The following LRP8 variants were observed in gnomAD, a reference collection of about 807,000 sequenced individuals.
LRP8 encodes low-density lipoprotein receptor-related protein 8.
Under a neutral mutation model 111.6 loss-of-function variants are expected in LRP8, and 46 were observed. That is an observed-to-expected ratio of 0.41 (90% confidence interval 0.33 to 0.53). The LOEUF is 0.53. Among genes scored for constraint, LRP8 ranks in the 20% least tolerant of loss-of-function variants. The pLI, the probability that LRP8 is intolerant of heterozygous loss-of-function variation, is 0.20. For missense variants in LRP8, 959 were observed against 1,297.4 expected (o/e 0.74, Z 4.01); for synonymous variants, 464 against 511.2 (o/e 0.91, Z 1.24).
rs116395170 is a variant in LRP8 at position 53,280,813 on chromosome 1, C to T, written c.368-98G>A. On this transcript the variant is annotated intron_variant, in intron 3 of 18. Transcript: ENST00000306052. Reference sequence around the variant, plus strand: ...CCTGTTCCAGCCATCTGGTCCAAGGCCCTAGGAGTCCATCAGGGCTCTTCT... The same window carrying T: ...CCTGTTCCAGCCATCTGGTCCAAGGTCCTAGGAGTCCATCAGGGCTCTTCT... 7.6e-4 allele frequency: 1,118 copies of T among 1,462,462 alleles called. 7 individuals are homozygous for T. In the African/African-American group the frequency reaches 0.014, roughly 19 times the overall value. 90.6% of individuals were successfully genotyped at this position (1,462,462 alleles called of 1,614,324 possible).
chr1:53,322,010 C>G (rs759831764), intron 2 of LRP8, among the ~76,000 whole-genome samples: 1 of 151,774 alleles, frequency 6.6e-6, no homozygotes, highest in South Asian at 2.1e-4. Context: ...GCAGGAACCT[C>G]GACATCTGGC....
chr1:53,251,479 T>C (rs1052652457), intron 16 of LRP8, among the ~76,000 whole-genome samples: 3 of 151,794 alleles, frequency 2.0e-5, no homozygotes, highest in Admixed American at 6.6e-5. Flanking sequence ...TAAATGACTA[T>C]GTTAATGATT....
Position 53,271,104 on chromosome 1 carries a change from A to G in LRP8, c.1176T>C (p.Asn392=), listed in dbSNP as rs1380260134. ...DPDACSQICV[N]YKGYFKCECY... Reference sequence around the variant, plus strand: ...ACTCACACTTAAAATAGCCCTTGTAATTGACACAGATCTGGCTGCAGGCAT... The same window carrying G: ...ACTCACACTTAAAATAGCCCTTGTAGTTGACACAGATCTGGCTGCAGGCAT... The change falls in exon 8 of 19, where the codon AAT becomes AAC. Residue 392 remains asparagine (N), a synonymous_variant. Transcript: ENST00000306052. 2 of 1,613,826 alleles carry G rather than the reference A, an allele frequency of 1.2e-6. No individual in the cohort carries two copies. Among genetic ancestry groups the G allele is most frequent in the South Asian group, 2.2e-5 (2 of 91,062 alleles).
intron 2 of LRP8, among the ~76,000 whole-genome samples, chr1:53,325,323 T>G (rs576207755): frequency 2.0e-5 from 3 of 152,346 alleles, no homozygotes; most frequent in East Asian, 1.9e-4. Context: ...TTTGTTGGTT[T>G]GTTTGTTTTG....
Position 53,271,218 on chromosome 1 carries a change from A to C in LRP8, c.1126+9T>G, listed in dbSNP as rs199573149. ...TGCTTCTGCTTGGGGGTGTGGGAGA[A>C]GGTCTCACCGCCACAGGTCTTCTGG... On this transcript the variant is annotated intron_variant, in intron 7 of 18. Transcript: ENST00000306052. The C allele has an allele frequency of 5.6e-6, 9 of 1,613,844 alleles. No homozygotes were observed. In the East Asian group the frequency reaches 1.6e-4, roughly 28 times the overall value.
At chr1:53,296,550 C>T (rs934855721) in intron 2 of LRP8, among the ~76,000 whole-genome samples, 6 of 152,238 alleles carry the variant, frequency 3.9e-5, no homozygotes, top group East Asian at 1.9e-4. Context: ...GTTGCCAAGA[C>T]GACCGCTTCC....
intron 18 of LRP8, among the ~76,000 whole-genome samples, chr1:53,248,110 A>T (rs1488571514): frequency 6.6e-6 from 1 of 152,220 alleles, no homozygotes; most frequent in Non-Finnish European, 1.5e-5. Flanking sequence ...TTAACATAGT[A>T]CCTAACAACA....
chr1:53,318,648 G>A (rs529651150), intron 2 of LRP8, among the ~76,000 whole-genome samples: 1 of 152,114 alleles, frequency 6.6e-6, no homozygotes, highest in African/African-American at 2.4e-5. Flanking sequence ...ATCTATCAAC[G>A]GGAGAAAATG....
rs1426771634 is a variant in LRP8 at position 53,293,315 on chromosome 1, AGTGGTGTTTTTGGCAACAGATTCG to A, written c.245-3650_245-3627del. 3.9e-5 allele frequency among the ~76,000 whole-genome samples: 6 copies of A among 152,076 alleles called. No individual in the cohort carries two copies. Among genetic ancestry groups the A allele is most frequent in the Admixed American group, 1.3e-4 (2 of 15,286 alleles). ...CCCAGGAAATGGCAGCTGCAGGGAG[AGTGGTGTTTTTGGCAACAGATTCG>A]GTGGTGTTTTTGGGAACAGATTTGT... On this transcript the variant is annotated intron_variant, in intron 2 of 18. Coordinates refer to ENST00000306052, the MANE Select transcript of LRP8 (RefSeq NM_004631.5). This position sits in a 1 kb window ranked among gnomAD's most constrained non-coding sequence, Gnocchi z 4.9.
Position 53,250,418 on chromosome 1 carries a change from C to T in LRP8, c.2676+272G>A, listed in dbSNP as rs563119719. On this transcript the variant is annotated intron_variant, in intron 17 of 18. Coordinates refer to ENST00000306052, the MANE Select transcript of LRP8 (RefSeq NM_004631.5). This position sits in a 1 kb window ranked among gnomAD's most constrained non-coding sequence, Gnocchi z 4.6. Reference sequence around the variant, plus strand: ...CCTACCCCAGCATTTCTGTGTTCCCCAGGGCCTAGAACAGTGCCTGATACA... The same window carrying T: ...CCTACCCCAGCATTTCTGTGTTCCCTAGGGCCTAGAACAGTGCCTGATACA... 2.7e-4 allele frequency among the ~76,000 whole-genome samples: 41 copies of T among 152,210 alleles called. No homozygotes were observed. Among genetic ancestry groups the T allele is most frequent in the Non-Finnish European group, 4.7e-4 (32 of 68,014 alleles).
chr1:53,272,741 G>T, intron 6 of LRP8: 1 of 1,095,080 alleles, frequency 9.1e-7, no homozygotes, highest in Non-Finnish European at 1.2e-6. Context: ...GAGGTGGGCT[G>T]AGCCACGGCA....
rs1655342187 is a variant in LRP8, at chr1:53,327,685, CCG to C, written c.124+102_124+103del. The C allele has an allele frequency of 2.3e-6, 3 of 1,301,832 alleles. No individual in the cohort carries two copies. The South Asian group carries it at 5.3e-5, about 23-fold the overall frequency. 80.6% of individuals were successfully genotyped at this position (1,301,832 alleles called of 1,614,324 possible). A position where few individuals can be genotyped will look rare whatever the true frequency, so the allele number is the denominator to read the frequency against. On this transcript the variant is annotated intron_variant, in intron 1 of 18. Transcript: ENST00000306052. ...GTGGAGCCTGTCCGCCCGGGAGCCCCCGATAGCCCCGGGTTCTGGACCCCTCC... is the reference window on the plus strand; with the variant it reads ...GTGGAGCCTGTCCGCCCGGGAGCCCCATAGCCCCGGGTTCTGGACCCCTCC...
At chr1:53,318,806 T>C (rs58940570) in intron 2 of LRP8, among the ~76,000 whole-genome samples, 6,978 of 151,988 alleles carry the variant, frequency 0.046, 401 homozygotes, top group African/African-American at 0.13. Flanking sequence ...AAAATACATA[T>C]GTTCATGCCC....
rs1249480405 is a variant in LRP8, at chr1:53,274,863, T to G, written c.1006+768A>C. On this transcript the variant is annotated intron_variant, in intron 6 of 18. Coordinates refer to ENST00000306052, the MANE Select transcript of LRP8 (RefSeq NM_004631.5). ...AGAGTGGACAGTGCCTGTGAGACCTTGGACAAGAAGGGCTGGGCTGGGGCC... is the reference window on the plus strand; with the variant it reads ...AGAGTGGACAGTGCCTGTGAGACCTGGGACAAGAAGGGCTGGGCTGGGGCC... The G allele has an allele frequency of 8.8e-6, 4 of 455,808 alleles. No individual in the cohort carries two copies. In the Admixed American group the frequency reaches 9.4e-5, roughly 11 times the overall value. 28.2% of individuals were successfully genotyped at this position (455,808 alleles called of 1,614,324 possible). A position where few individuals can be genotyped will look rare whatever the true frequency, so the allele number is the denominator to read the frequency against.
intron 2 of LRP8, among the ~76,000 whole-genome samples, chr1:53,289,963 T>G: frequency 6.6e-6 from 1 of 152,174 alleles, no homozygotes. Flanking sequence ...CCTCAATGTC[T>G]AGTTCCACTG....
rs1645718524 is a variant in LRP8 at position 53,246,056 on chromosome 1, A to G, written c.*962T>C. 6.6e-6 allele frequency: 1 copy of G among 152,206 alleles called. No homozygotes were observed. The highest frequency in any genetic ancestry group is 2.4e-5 in the African/African-American group (1 of 41,448). 9.4% of individuals were successfully genotyped at this position (152,206 alleles called of 1,614,324 possible). A position where few individuals can be genotyped will look rare whatever the true frequency, so the allele number is the denominator to read the frequency against. On this transcript the variant is annotated 3_prime_UTR_variant, in exon 19 of 19. Coordinates refer to ENST00000306052, the MANE Select transcript of LRP8 (RefSeq NM_004631.5). ...AGTAGCTGAGGGTGAGGCATATCCT[A>G]TCTTGAGTTTCTGAGCACTCTGGTA...
chr1:53,271,336 C>G lies in LRP8; in HGVS notation c.1017G>C (p.Glu339Asp), dbSNP rs1365811112. 6.2e-7 allele frequency: 1 copy of G among 1,613,910 alleles called. No homozygotes were observed. The highest frequency in any genetic ancestry group is 1.7e-5 in the Admixed American group (1 of 59,994). ...DEAGCLQGLN[E>D]CLHNNGGCSH... ...AGCAGCCGCCATTGTTGTGCAGACA[C>G]TCGTTCAGCCCTGGGGAGGGACATG... The change falls in exon 7 of 19, where the codon GAG becomes GAC. Residue 339 changes from glutamate (E) to aspartate (D), a missense_variant. By Grantham distance (45) the Glu-to-Asp change is conservative. Around this residue, in one of 3 missense-constraint regions of LRP8, gnomAD observed 819 missense variants for 1,097.6 expected, o/e 0.75. Transcript: ENST00000306052.
chr1:53,249,314 G>A lies in LRP8; in HGVS notation c.2853+66C>T, dbSNP rs1645821555. On this transcript the variant is annotated intron_variant, in intron 18 of 18. Transcript: ENST00000306052. The surrounding 1 kb of genome is among the most constrained non-coding windows in gnomAD (Gnocchi z 4.1). ...CAAACCAGAAAGCCTTCTAGGATTG[G>A]CTGCGCCTGCCTTGGTTCATGCCCT... The A allele has an allele frequency of 2.0e-6, 3 of 1,535,446 alleles. No homozygotes were observed. The highest frequency in any genetic ancestry group is 1.8e-6 in the Non-Finnish European group (2 of 1,133,658).
chr1:53,251,028 T>C lies in LRP8; in HGVS notation c.2504-166A>G, dbSNP rs74086825. Reference sequence around the variant, plus strand: ...TGAAAGCCCATCTCTCATCCCTTCTTTCCTTTACTAACTATTCATCCTTCA... The same window carrying C: ...TGAAAGCCCATCTCTCATCCCTTCTCTCCTTTACTAACTATTCATCCTTCA... On this transcript the variant is annotated intron_variant, in intron 16 of 18. Coordinates refer to ENST00000306052, the MANE Select transcript of LRP8 (RefSeq NM_004631.5). 2.8e-3 allele frequency among the ~76,000 whole-genome samples: 426 copies of C among 152,314 alleles called. 1 individual carries two copies. Among genetic ancestry groups the C allele is most frequent in the African/African-American group, 9.9e-3 (412 of 41,568 alleles).
Sources: allele counts gnomAD v4.1 joint callset (sites outside exome capture counted in the v4.1 genomes callset), GRCh38; gene constraint gnomAD v4.1.1; regional missense constraint gnomAD v4.1.1; non-coding constraint Gnocchi (gnomAD v3.1); transcripts MANE v1.5; gene names NCBI Gene and HGNC (gene_info 2026-07-23, HGNC 2026-07-21).